The following UBE3A variants were observed in gnomAD, a reference collection of about 807,000 sequenced individuals.
UBE3A encodes the protein ubiquitin-protein ligase E3A.
UBE3A carries 6 observed loss-of-function variants against 83.4 expected under a neutral mutation model. That is an observed-to-expected ratio of 0.07 (90% confidence interval 0.04 to 0.14). UBE3A has a LOEUF of 0.14. Ranked by LOEUF, UBE3A falls within the 10% of genes least tolerant of loss-of-function variation. The pLI, the probability that UBE3A is intolerant of heterozygous loss-of-function variation, is 1.00. For missense variants in UBE3A, 456 were observed against 1,036.1 expected (o/e 0.44, Z 7.69); for synonymous variants, 337 against 355.4 (o/e 0.95, Z 0.58).
At chr15:25,341,343 T>C (rs1032813331) in intron 11 of UBE3A, among the ~76,000 whole-genome samples, 4 of 151,746 alleles carry the variant, frequency 2.6e-5, no homozygotes, top group Non-Finnish European at 5.9e-5. Flanking sequence ...AGTGCTGGGA[T>C]TGCAGGCATG....
At chr15:25,361,638 CTG>C (rs147058479) in intron 6 of UBE3A, among the ~76,000 whole-genome samples, 6,132 of 152,178 alleles carry the variant, frequency 0.04, 405 homozygotes, top group African/African-American at 0.14. Context: ...AACAGTATGA[CTG>C]TATCCAGTAC....
At chr15:25,412,633 G>A (rs998763641) in intron 1 of UBE3A, among the ~76,000 whole-genome samples, 2 of 152,092 alleles carry the variant, frequency 1.3e-5, no homozygotes, top group African/African-American at 4.8e-5. Flanking sequence ...TTCTTAACTT[G>A]TTTGTATACA....
At chr15:25,410,383 G>A (rs1169476915) in intron 2 of UBE3A, among the ~76,000 whole-genome samples, 1 of 152,166 alleles carries the variant, frequency 6.6e-6, no homozygotes, top group African/African-American at 2.4e-5. Context: ...TTCTGGCAAA[G>A]ATACCATACA....
intron 5 of UBE3A, 120 bp downstream of exon 5, chr15:25,375,344 TG>T: frequency 8.6e-7 from 1 of 1,161,826 alleles, no homozygotes; most frequent in South Asian, 1.5e-5. Context: ...AATAAAAAAT[TG>T]GTTCTACGAT....
intron 1 of UBE3A, among the ~76,000 whole-genome samples, chr15:25,435,616 C>A (rs1456018284): frequency 6.6e-6 from 1 of 152,122 alleles, no homozygotes; most frequent in Non-Finnish European, 1.5e-5. Context: ...AGCTAGCTAT[C>A]TATGAACAAG....
chr15:25,369,220 A>C (rs1167716247), intron 6 of UBE3A, among the ~76,000 whole-genome samples: 2 of 152,126 alleles, frequency 1.3e-5, no homozygotes, highest in African/African-American at 2.4e-5. Flanking sequence ...TGAAATAAAA[A>C]GGGTACCAGA....
chr15:25,429,428 C>T (rs1892398499), intron 1 of UBE3A, among the ~76,000 whole-genome samples: 2 of 152,152 alleles, frequency 1.3e-5, no homozygotes, highest in African/African-American at 4.8e-5. Context: ...AACATATACA[C>T]TTATTTTAAA....
chr15:25,358,041 C>G (rs1409651455), intron 7 of UBE3A, among the ~76,000 whole-genome samples: 1 of 151,534 alleles, frequency 6.6e-6, no homozygotes, highest in Non-Finnish European at 1.5e-5. Flanking sequence ...GTTGGGACTA[C>G]AGGCGCCTGC....
rs575873137 is a variant in UBE3A at position 25,389,397 on chromosome 15, T to A, written c.63-13634A>T. Among the ~76,000 whole-genome samples the A allele has an allele frequency of 1.4e-3, 209 of 151,806 alleles. 1 individual carries two copies. The highest frequency in any genetic ancestry group is 5.0e-3 in the African/African-American group (205 of 41,382). Reference sequence around the variant, plus strand: ...CATAAGAAAAAATCTAGATCTTGGGTTTGGTGATGACTTTTAGATACGGCA... The same window carrying A: ...CATAAGAAAAAATCTAGATCTTGGGATTGGTGATGACTTTTAGATACGGCA... On this transcript the variant is annotated intron_variant, in intron 4 of 12. Coordinates refer to ENST00000648336, the MANE Select transcript of UBE3A (RefSeq NM_130839.5).
intron 11 of UBE3A, 69 bp downstream of exon 11, chr15:25,354,284 A>C: frequency 7.0e-7 from 1 of 1,424,790 alleles, no homozygotes; most frequent in Non-Finnish European, 9.9e-7. Flanking sequence ...CCTAGAGATA[A>C]AGGTCTGAAG....
chr15:25,412,520 G>A (rs746015933), intron 1 of UBE3A, among the ~76,000 whole-genome samples: 4 of 152,060 alleles, frequency 2.6e-5, no homozygotes, highest in Admixed American at 6.6e-5. Context: ...AATATACGAC[G>A]ATAATTATAA....
intron 11 of UBE3A, among the ~76,000 whole-genome samples, chr15:25,350,821 C>A (rs1007840395): frequency 3.3e-5 from 5 of 152,074 alleles, no homozygotes; most frequent in African/African-American, 1.2e-4. Flanking sequence ...AGTACAAGTA[C>A]ATAAGATTCC....
At chr15:25,375,784 A>G (rs1444785067) in intron 4 of UBE3A, 21 bp from the exon 5 acceptor site, 2 of 1,604,934 alleles carry the variant, frequency 1.2e-6, no homozygotes, top group Admixed American at 1.7e-5. Context: ...CATTCAAACA[A>G]TAAGCACAGT....
At chr15:25,398,814 T>TATATAA (rs1442051896) in intron 4 of UBE3A, among the ~76,000 whole-genome samples, 3 of 59,298 alleles carry the variant, frequency 5.1e-5, no homozygotes, top group African/African-American at 1.3e-4. Flanking sequence ...TATATATATA[T>TATATAA]AAAAATACAT....
chr15:25,389,036 T>C (rs945690849), intron 4 of UBE3A, among the ~76,000 whole-genome samples: 2 of 152,134 alleles, frequency 1.3e-5, no homozygotes, highest in African/African-American at 4.8e-5. Flanking sequence ...AAAAGTCAGA[T>C]GGACACTACT....
intron 5 of UBE3A, chr15:25,374,400 C>T (rs540208374): frequency 6.6e-6 from 1 of 152,382 alleles, no homozygotes; most frequent in African/African-American, 2.4e-5. Context: ...CTGGTACTCT[C>T]TGGTGCACAC....
At chr15:25,434,376 T>A (rs1894367067) in intron 1 of UBE3A, among the ~76,000 whole-genome samples, 1 of 152,224 alleles carries the variant, frequency 6.6e-6, no homozygotes, top group Admixed American at 6.5e-5. Flanking sequence ...AAGACCAGCC[T>A]GGGCAACACA....
chr15:25,387,975 T>C (rs900738993), intron 4 of UBE3A, among the ~76,000 whole-genome samples: 1 of 152,192 alleles, frequency 6.6e-6, no homozygotes, highest in African/African-American at 2.4e-5. Flanking sequence ...TAATTAATAA[T>C]GTTCTAAAAG....
intron 4 of UBE3A, among the ~76,000 whole-genome samples, chr15:25,387,722 C>T (rs935837228): frequency 9.9e-5 from 15 of 151,952 alleles, no homozygotes; most frequent in African/African-American, 3.4e-4. Flanking sequence ...ATCAATAAGC[C>T]TCTAGCCAGG....
Sources: allele counts gnomAD v4.1 joint callset (sites outside exome capture counted in the v4.1 genomes callset), GRCh38; gene constraint gnomAD v4.1.1; transcripts MANE v1.5; gene names NCBI Gene and HGNC (gene_info 2026-07-23, HGNC 2026-07-21).